The following HNF4G variants were observed in gnomAD, a reference collection of about 807,000 sequenced individuals.
HNF4G encodes hepatocyte nuclear factor 4-gamma.
HNF4G carries 21 observed loss-of-function variants against 50.9 expected under a neutral mutation model. That is an observed-to-expected ratio of 0.41 (90% CI 0.29 to 0.59). HNF4G has a LOEUF of 0.59. HNF4G is among the 20% of genes least tolerant of loss of function. The pLI is 0.26. For missense variants in HNF4G, 527 were observed against 559.4 expected, an observed-to-expected ratio of 0.94 and a Z score of 0.58; for synonymous variants, 198 against 185.6, an observed-to-expected ratio of 1.07 and a Z score of -0.54.
In HNF4G at chr8:75,417,986, C is replaced by A. The variant is rs201250760; in HGVS notation, c.-144+9824C>A. 4.1e-5 allele frequency among the ~76,000 whole-genome samples: 6 copies of A among 148,010 alleles called. No homozygotes were observed. In the South Asian group the frequency reaches 8.5e-4, roughly 21 times the overall value. On this transcript the variant is annotated intron_variant, in intron 1 of 10. Coordinates refer to the HNF4G transcript ENST00000354370. ...ACACACACACACACACACACACACA[C>A]ATATATTTTAGGTAGGAGTGTTAGT...
rs111714985 is a variant in HNF4G at position 75,418,268 on chromosome 8, C to G, written c.-144+10106C>G. Among the ~76,000 whole-genome samples the G allele has an allele frequency of 1.6e-3, 238 of 152,198 alleles. 2 individuals carry two copies. The highest frequency in any genetic ancestry group is 5.6e-3 in the African/African-American group (233 of 41,530). On this transcript the variant is annotated intron_variant, in intron 1 of 10. Transcript: ENST00000354370. ...CCAGTCATATTGTATGAGGGCCCAC[C>G]AACTTGACTTCATCTTACCTTAGTT...
At chr8:75,519,419 AT>A (rs1408160849) in intron 2 of HNF4G, among the ~76,000 whole-genome samples, 1 of 152,192 alleles carries the variant, frequency 6.6e-6, no homozygotes, top group East Asian at 1.9e-4. Context: ...TTAAAGCAGC[AT>A]CCCACTCTTC....
At position 75,500,571 on chromosome 8, in the gene HNF4G, G is replaced by T. The variant is rs550298173; in HGVS notation, c.-24+10363G>T. On this transcript the variant is annotated intron_variant, in intron 2 of 10. Coordinates refer to the HNF4G transcript ENST00000354370. ...TTCATATGAAAAAATATGTAACAAT[G>T]TCTATAGCATTGTTCATAAAAACTG... is the stretch of plus-strand genomic sequence containing the variant. Among the ~76,000 whole-genome samples the T allele has an allele frequency of 3.9e-5, 6 of 152,156 alleles. No homozygotes were observed. In the South Asian group the frequency reaches 1.2e-3, roughly 32 times the overall value.
At chr8:75,480,736 T>G (rs1812357699) in intron 1 of HNF4G, among the ~76,000 whole-genome samples, 1 of 148,864 alleles carries the variant, frequency 6.7e-6, no homozygotes, top group South Asian at 2.1e-4. Context: ...TTTTTTTTTT[T>G]GAGACAGAAT....
chr8:75,433,739 T>C (rs1173540407), intron 1 of HNF4G, among the ~76,000 whole-genome samples: 3 of 152,058 alleles, frequency 2.0e-5, no homozygotes, highest in Non-Finnish European at 4.4e-5. Flanking sequence ...AAGTATAATG[T>C]CGAAATAAAC....
At chr8:75,499,013 T>C (rs1487669440) in intron 2 of HNF4G, among the ~76,000 whole-genome samples, 1 of 152,000 alleles carries the variant, frequency 6.6e-6, no homozygotes, top group Non-Finnish European at 1.5e-5. Flanking sequence ...AGCATTTTAC[T>C]GGAAGTTCAA....
intron 4 of HNF4G, among the ~76,000 whole-genome samples, chr8:75,552,437 G>C (rs1335093429): frequency 6.6e-6 from 1 of 152,020 alleles, no homozygotes; most frequent in Non-Finnish European, 1.5e-5. Flanking sequence ...TTTTTATATA[G>C]TCTAAAATTA....
chr8:75,469,432 T>C (rs1371694329), intron 1 of HNF4G, among the ~76,000 whole-genome samples: 5 of 152,204 alleles, frequency 3.3e-5, no homozygotes, highest in African/African-American at 9.6e-5. Flanking sequence ...ATTCTTGGTA[T>C]ACATAATTTT....
intron 9 of HNF4G, 79 bp downstream of exon 9, chr8:75,560,545 T>C: frequency 2.8e-6 from 4 of 1,445,022 alleles, no homozygotes; most frequent in Non-Finnish European, 3.8e-6. Flanking sequence ...AAGAATCTAT[T>C]AGTAACCAGA....
At chr8:75,500,587 A>G (rs1241520973) in intron 2 of HNF4G, among the ~76,000 whole-genome samples, 1 of 152,204 alleles carries the variant, frequency 6.6e-6, no homozygotes, top group Non-Finnish European at 1.5e-5. Context: ...AGCATTGTTC[A>G]TAAAAACTGA....
chr8:75,430,477 AGAGAGAGAGAGAGAGAGAGAGAGAGG>A (rs1202083341), intron 1 of HNF4G, among the ~76,000 whole-genome samples: 1 of 37,036 alleles, frequency 2.7e-5, no homozygotes, highest in African/African-American at 1.0e-4. Context: ...TAGGGAGTAG[AGAGAGAGAGAGAGAGAGAGAGAGAGG>A]GAGAGAGAGA....
upstream of HNF4G, among the ~76,000 whole-genome samples, chr8:75,535,708 A>G (rs1022840341): frequency 2.0e-5 from 3 of 152,054 alleles, no homozygotes; most frequent in Middle Eastern, 3.4e-3. Context: ...AGCATTCCAA[A>G]TTATTTTCAT....
chr8:75,520,716 G>T (rs540056820), intron 2 of HNF4G, among the ~76,000 whole-genome samples: 75 of 152,240 alleles, frequency 4.9e-4, no homozygotes, highest in Non-Finnish European at 1.0e-3. Context: ...GGGATTACAA[G>T]TGTGCACCAC....
intron 2 of HNF4G, among the ~76,000 whole-genome samples, chr8:75,505,264 G>A (rs2130713876): frequency 6.6e-6 from 1 of 152,118 alleles, no homozygotes; most frequent in East Asian, 1.9e-4. Flanking sequence ...TAACTTCTTT[G>A]TCTCCTCAAC....
At chr8:75,544,145 T>A (rs1806703594) in intron 2 of HNF4G, among the ~76,000 whole-genome samples, 166 bp downstream of exon 2, 1 of 152,214 alleles carries the variant, frequency 6.6e-6, no homozygotes, top group Non-Finnish European at 1.5e-5. Flanking sequence ...ACAGGATGTA[T>A]TCACATAGGT....
At chr8:75,473,076 G>A (rs573532055) in intron 1 of HNF4G, among the ~76,000 whole-genome samples, 2 of 152,054 alleles carry the variant, frequency 1.3e-5, no homozygotes, top group Admixed American at 1.3e-4. Flanking sequence ...TTGGGAGGCC[G>A]AGGCGGGTGG....
intron 1 of HNF4G, among the ~76,000 whole-genome samples, chr8:75,455,760 T>C (rs922905246): frequency 1.3e-5 from 2 of 152,184 alleles, no homozygotes; most frequent in African/African-American, 4.8e-5. Context: ...ATGTTAATTT[T>C]TTTAAATAAC....
chr8:75,408,832 C>T (rs1380138696), intron 1 of HNF4G, among the ~76,000 whole-genome samples: 2 of 152,012 alleles, frequency 1.3e-5, no homozygotes, highest in African/African-American at 4.8e-5. Flanking sequence ...AATCCAGAAG[C>T]TCAAAAGTGA....
At chr8:75,539,119 G>A (rs1806541987), upstream of HNF4G, among the ~76,000 whole-genome samples, 1 of 96,308 alleles carries the variant, frequency 1.0e-5, no homozygotes, top group Non-Finnish European at 2.4e-5. Context: ...CTATATAGAT[G>A]AGGATTGATG....
Sources: allele counts gnomAD v4.1 joint callset (sites outside exome capture counted in the v4.1 genomes callset), GRCh38; gene constraint gnomAD v4.1.1; transcripts MANE v1.5; gene names NCBI Gene and HGNC (gene_info 2026-07-23, HGNC 2026-07-21).